Variants in ARHGEF6 observed in about 807,000 individuals in gnomAD.
ARHGEF6 encodes the protein Rac/Cdc42 guanine nucleotide exchange factor 6.
A neutral mutation model predicts 70.3 loss-of-function variants in ARHGEF6; 9 were observed. That is an observed-to-expected ratio of 0.13 (90% CI 0.08 to 0.22). The LOEUF is 0.22. ARHGEF6 is among the 10% of genes least tolerant of loss of function. The pLI is 1.00. For missense variants in ARHGEF6, 470 were observed against 563.0 expected, an observed-to-expected ratio of 0.83 and a Z score of 1.67; for synonymous variants, 201 against 207.8, an observed-to-expected ratio of 0.97 and a Z score of 0.28.
chrX:136,686,709 C>CATATATATATATATATATATATATACAT (rs2076404374), intron 11 of ARHGEF6, among the ~76,000 whole-genome samples: 1 of 63,141 alleles, frequency 1.6e-5, no homozygotes, highest in African/African-American at 5.9e-5. Flanking sequence ...TATATATATA[C>CATATATATATATATATATATATATACAT]ATATATATAT....
In ARHGEF6 at chrX:136,700,516, CA is replaced by C. The variant is rs1006185423; in HGVS notation, c.1046+6391del. Among the ~76,000 whole-genome samples, 62 of 99,382 alleles carry C rather than the reference CA, an allele frequency of 6.2e-4. 1 individual carries two copies. The highest frequency in any genetic ancestry group is 2.1e-3 in the African/African-American group (57 of 26,990). The allele number at this position is 99,382 out of a possible 115,157, so 86.3% of individuals were successfully genotyped here. On this transcript the variant is annotated intron_variant, in intron 9 of 21. Coordinates refer to ENST00000250617, the MANE Select transcript of ARHGEF6 (RefSeq NM_004840.3). ...CACTCCAGCCTGGGAGACAGTGAGA[CA>C]AAAAAAAAGAGGAAAGAAAGGAAAG...
Position 136,686,713 on chromosome X carries a change from TATA to T in ARHGEF6, c.1246-893_1246-891del, listed in dbSNP as rs1359350832. ...ATATATACACATATATATATACATA[TATA>T]TATATATATATATATATATATCTCA... On this transcript the variant is annotated intron_variant, in intron 11 of 21. Coordinates refer to ENST00000250617, the MANE Select transcript of ARHGEF6 (RefSeq NM_004840.3). Among the ~76,000 whole-genome samples, 10 of 66,023 alleles carry T rather than the reference TATA, an allele frequency of 1.5e-4. No homozygotes were observed. The East Asian group carries it at 4.2e-3, about 28-fold the overall frequency. 57.3% of individuals were successfully genotyped at this position (66,023 alleles called of 115,157 possible).
chrX:136,752,069 C>T, intron 2 of ARHGEF6, among the ~76,000 whole-genome samples: 1 of 111,371 alleles, frequency 9.0e-6, no homozygotes, highest in Middle Eastern at 4.6e-3. Flanking sequence ...TTCCATGAGA[C>T]ATAGAGAAAA....
intron 9 of ARHGEF6, among the ~76,000 whole-genome samples, chrX:136,691,874 C>T (rs1019958831): frequency 8.9e-6 from 1 of 111,800 alleles, no homozygotes; most frequent in Non-Finnish European, 1.9e-5. Flanking sequence ...ACTGGCTCCA[C>T]CATCTTTCTC....
chrX:136,697,685 G>A (rs1368277142), intron 9 of ARHGEF6, among the ~76,000 whole-genome samples: 1 of 112,366 alleles, frequency 8.9e-6, no homozygotes, highest in African/African-American at 3.2e-5. Flanking sequence ...TGTACTCTGT[G>A]AGCGAAATAG....
At chrX:136,679,036 A>G (rs1183697603) in intron 16 of ARHGEF6, among the ~76,000 whole-genome samples, 1 of 112,273 alleles carries the variant, frequency 8.9e-6, no homozygotes, top group Non-Finnish European at 1.9e-5. Context: ...TCTTTTTAAA[A>G]GACACTGCTT....
chrX:136,703,528 A>AT (rs775399514), intron 9 of ARHGEF6, among the ~76,000 whole-genome samples: 1 of 111,113 alleles, frequency 9.0e-6, no homozygotes, highest in African/African-American at 3.3e-5. Flanking sequence ...AACTTTTTTT[A>AT]TTTTTTTTCC....
intron 11 of ARHGEF6, among the ~76,000 whole-genome samples, chrX:136,686,629 T>TATATATACAC (rs1569393889): frequency 4.5e-4 from 33 of 74,086 alleles, no homozygotes; most frequent in African/African-American, 2.3e-3. Context: ...TATACACATA[T>TATATATACAC]ATATATATAT....
intron 20 of ARHGEF6, among the ~76,000 whole-genome samples, chrX:136,669,990 G>C (rs755452040): frequency 9.0e-6 from 1 of 111,286 alleles, no homozygotes; most frequent in Non-Finnish European, 1.9e-5. Context: ...GTGTGTGGTG[G>C]AAATCTACAC....
chrX:136,772,442 T>C (rs2077370078), intron 2 of ARHGEF6, among the ~76,000 whole-genome samples: 1 of 112,601 alleles, frequency 8.9e-6, no homozygotes, highest in South Asian at 3.7e-4. Flanking sequence ...CTTGAGGGTA[T>C]GGATACCCCA....
At chrX:136,693,900 G>C (rs1416660673) in intron 9 of ARHGEF6, among the ~76,000 whole-genome samples, 5 of 111,602 alleles carry the variant, frequency 4.5e-5, no homozygotes, top group African/African-American at 1.6e-4. Flanking sequence ...GGGGTGGTGA[G>C]GCAAGAGGAG....
At chrX:136,769,336 C>T (rs2077347338) in intron 2 of ARHGEF6, among the ~76,000 whole-genome samples, 1 of 111,255 alleles carries the variant, frequency 9.0e-6, no homozygotes, top group Non-Finnish European at 1.9e-5. Context: ...CACTTTAACC[C>T]GGGAGGTGGA....
chrX:136,682,627 T>C lies in ARHGEF6; in HGVS notation c.1479+131A>G. ...CATCTGCTCTTACAAGCTCTTTAAT[T>C]ACAATGAAGGGTCAGAACATTCTGG... On this transcript the variant is annotated intron_variant, in intron 13 of 21. Coordinates refer to ENST00000250617, the MANE Select transcript of ARHGEF6 (RefSeq NM_004840.3). 7 of 511,834 alleles carry C rather than the reference T, an allele frequency of 1.4e-5. No individual in the cohort carries two copies. In the South Asian group the frequency reaches 2.1e-4, roughly 15 times the overall value. 42.2% of individuals were successfully genotyped at this position (511,834 alleles called of 1,213,427 possible).
intron 5 of ARHGEF6, among the ~76,000 whole-genome samples, chrX:136,739,609 C>T (rs1035086826): frequency 3.6e-5 from 4 of 112,332 alleles, no homozygotes; most frequent in Non-Finnish European, 7.5e-5. Flanking sequence ...AATAAGTAAA[C>T]GTGTATTATG....
At chrX:136,674,872 A>G in intron 19 of ARHGEF6, 135 bp downstream of exon 19, 1 of 565,165 alleles carries the variant, frequency 1.8e-6, no homozygotes, top group South Asian at 2.4e-5. Context: ...GCAGTCCTGC[A>G]CCACTCCTCT....
chrX:136,739,211 A>G (rs1357873070), intron 5 of ARHGEF6, among the ~76,000 whole-genome samples: 1 of 111,970 alleles, frequency 8.9e-6, no homozygotes, highest in African/African-American at 3.2e-5. Context: ...TTCTTCTCCC[A>G]GTCAGAAGCT....
intron 21 of ARHGEF6, among the ~76,000 whole-genome samples, 162 bp downstream of exon 21, chrX:136,669,320 C>T (rs1384157800): frequency 2.7e-5 from 3 of 111,752 alleles, no homozygotes; most frequent in Admixed American, 9.5e-5. Context: ...AAATTCAAGG[C>T]TTACATGATA....
chrX:136,694,194 A>C (rs1036875199), intron 9 of ARHGEF6, among the ~76,000 whole-genome samples: 2 of 110,423 alleles, frequency 1.8e-5, no homozygotes, highest in African/African-American at 6.6e-5. Context: ...CCGGGACTAC[A>C]GACGCACACC....
At chrX:136,750,984 T>C (rs1016901520) in intron 2 of ARHGEF6, among the ~76,000 whole-genome samples, 4 of 109,733 alleles carry the variant, frequency 3.6e-5, no homozygotes, top group Admixed American at 2.0e-4. Flanking sequence ...TGTTTGTTTG[T>C]TTGTTTGTTT....
Sources: allele counts gnomAD v4.1 joint callset (sites outside exome capture counted in the v4.1 genomes callset), GRCh38; gene constraint gnomAD v4.1.1; transcripts MANE v1.5; gene names NCBI Gene and HGNC (gene_info 2026-07-23, HGNC 2026-07-21).